PEX5: variants seen among roughly 807,000 people sequenced by gnomAD.
PEX5 encodes the protein PTS1 receptor.
PEX5 carries 52 observed loss-of-function variants against 82.9 expected under a neutral mutation model. The ratio of observed to expected loss-of-function variants is 0.63; its 90% CI spans 0.50 to 0.79. PEX5 has a LOEUF of 0.79. Among genes scored for constraint, PEX5 ranks in the 30% least tolerant of loss-of-function variants. PEX5 has a pLI of 0.00. For missense variants in PEX5, 719 were observed against 815.2 expected, an observed-to-expected ratio of 0.88 and a Z score of 1.44; for synonymous variants, 300 against 318.8, an observed-to-expected ratio of 0.94 and a Z score of 0.63.
chr12:7,212,038 T>A (rs1945618245), downstream of PEX5, among the ~76,000 whole-genome samples: 1 of 151,344 alleles, frequency 6.6e-6, no homozygotes, highest in East Asian at 1.9e-4. Context: ...TGATCTCAGC[T>A]CACTGCAGCC....
At chr12:7,207,370 T>C (rs1944931579) in intron 10 of PEX5, among the ~76,000 whole-genome samples, 1 of 152,210 alleles carries the variant, frequency 6.6e-6, no homozygotes, top group Non-Finnish European at 1.5e-5. Flanking sequence ...GGTGTGGGAA[T>C]ACAAGCCTGT....
At chr12:7,216,424 C>G (rs1428544205), downstream of PEX5, among the ~76,000 whole-genome samples, 1 of 152,116 alleles carries the variant, frequency 6.6e-6, no homozygotes, top group Non-Finnish European at 1.5e-5. Flanking sequence ...CTTGCATAAG[C>G]TGTAATACCA....
chr12:7,211,585 T>A (rs1018167600), downstream of PEX5: 3 of 152,190 alleles, frequency 2.0e-5, no homozygotes, highest in Non-Finnish European at 4.4e-5. Context: ...GTATATTGGT[T>A]ACCTGCTCAT....
intron 10 of PEX5, among the ~76,000 whole-genome samples, chr12:7,205,237 AT>A (rs1944617078): frequency 6.6e-6 from 1 of 152,236 alleles, no homozygotes; most frequent in Non-Finnish European, 1.5e-5. Flanking sequence ...ACTTTGGGAT[AT>A]TGCAAAATTA....
intron 10 of PEX5, among the ~76,000 whole-genome samples, chr12:7,204,718 T>C (rs2136190861): frequency 6.6e-6 from 1 of 152,358 alleles, no homozygotes; most frequent in East Asian, 1.9e-4. Context: ...TATGTAAAAA[T>C]GTCCATGCTT....
rs61740909 is a variant in PEX5, at chr12:7,207,745, G to A, written c.1053G>A (p.Leu351=). 1,010 of 1,614,118 alleles carry A rather than the reference G, an allele frequency of 6.3e-4. 2 individuals carry two copies. The African/African-American group carries it at 8.8e-3, about 14-fold the overall frequency. The change falls in exon 11 of 16, where the codon CTG becomes CTA. Residue 351 remains leucine (L), a synonymous_variant. Coordinates refer to ENST00000675855, the MANE Select transcript of PEX5 (RefSeq NM_001351132.2). ...EGLRRLQEGD[L]PNAVLLFEAA... is the part of the protein sequence containing the mutation. ...TGCGGCGCCTTCAGGAGGGGGACCT[G>A]CCAAATGCTGTGCTGCTTTTTGAGG... is the stretch of plus-strand genomic sequence containing the variant.
At chr12:7,190,683 G>C (rs1028239202) in intron 2 of PEX5, 159 bp downstream of exon 2, 2 of 1,467,324 alleles carry the variant, frequency 1.4e-6, no homozygotes, top group African/African-American at 2.8e-5. Flanking sequence ...TGCACATCTT[G>C]GTATAACTGC....
intron 15 of PEX5, 36 bp from the exon 16 acceptor site, chr12:7,209,986 C>T: frequency 6.2e-7 from 1 of 1,610,100 alleles, no homozygotes; most frequent in South Asian, 1.1e-5. Flanking sequence ...CATTGTTGTT[C>T]AGCTTAACAG....
At chr12:7,190,099 G>A in intron 1 of PEX5, 1 of 1,489,812 alleles carries the variant, frequency 6.7e-7, no homozygotes, top group Non-Finnish European at 8.8e-7. Flanking sequence ...GCAGCTGCTG[G>A]CCCCCAGCCC....
chr12:7,202,038 C>G, intron 7 of PEX5, 197 bp downstream of exon 7: 3 of 828,322 alleles, frequency 3.6e-6, no homozygotes, highest in Non-Finnish European at 5.9e-6. Context: ...CCTACTAACT[C>G]TTTTTTCTGA....
rs1555178472 is a variant in PEX5 at position 7,201,332 on chromosome 12, T to TAC, written c.552-416_552-415dup. The stretch of plus-strand genomic sequence containing the variant: ...ATACACATGTATATACATACACACA[T>TAC]ACACGTATATATACATATCAGCTAT... On this transcript the variant is annotated intron_variant, in intron 6 of 15. Coordinates refer to ENST00000675855, the MANE Select transcript of PEX5 (RefSeq NM_001351132.2). Among the ~76,000 whole-genome samples the TAC allele has an allele frequency of 4.7e-3, 515 of 108,556 alleles. 3 individuals carry two copies. Among genetic ancestry groups the TAC allele is most frequent in the African/African-American group, 0.015 (367 of 25,004 alleles). The allele number at this position is 108,556 out of a possible 152,430, so 71.2% of individuals were successfully genotyped here. A position where few individuals can be genotyped will look rare whatever the true frequency, so the allele number is the denominator to read the frequency against.
chr12:7,190,093 C>A (rs901854733), intron 1 of PEX5: 1 of 1,490,556 alleles, frequency 6.7e-7, no homozygotes, highest in African/African-American at 1.4e-5. Context: ...GTGGAGGCAG[C>A]TGCTGGCCCC....
At chr12:7,197,375 CAT>C (rs1438717718) in intron 5 of PEX5, among the ~76,000 whole-genome samples, 2 of 137,636 alleles carry the variant, frequency 1.5e-5, no homozygotes, top group East Asian at 2.0e-4. Flanking sequence ...TTATATATGT[CAT>C]ATACAATGTA....
chr12:7,201,329 A>C (rs750852082), intron 6 of PEX5, among the ~76,000 whole-genome samples: 2 of 12,410 alleles, frequency 1.6e-4, no homozygotes, highest in Non-Finnish European at 8.2e-4. Context: ...ATACATACAC[A>C]CATACACGTA....
chr12:7,200,696 C>T lies in PEX5; in HGVS notation c.552-1055C>T, dbSNP rs763832745. ...CGCGGTTAGGAGCTGGAGACCAGCCCGGCCAACACAGCGAAACCCCGTCTC... is the reference window on the plus strand; with the variant it reads ...CGCGGTTAGGAGCTGGAGACCAGCCTGGCCAACACAGCGAAACCCCGTCTC... On this transcript the variant is annotated intron_variant, in intron 6 of 15. Coordinates refer to ENST00000675855, the MANE Select transcript of PEX5 (RefSeq NM_001351132.2). Among the ~76,000 whole-genome samples the T allele has an allele frequency of 3.8e-3, 575 of 152,038 alleles. 1 individual carries two copies. Among genetic ancestry groups the T allele is most frequent in the African/African-American group, 0.013 (541 of 41,446 alleles).
intron 5 of PEX5, among the ~76,000 whole-genome samples, chr12:7,192,210 T>C (rs1459292088): frequency 6.6e-6 from 1 of 152,236 alleles, no homozygotes; most frequent in Non-Finnish European, 1.5e-5. Flanking sequence ...GAATGCATTA[T>C]CTACTTACTC....
rs1405389869 is a variant in PEX5, at chr12:7,208,608, G to C, written c.1333G>C (p.Glu445Gln). The C allele has an allele frequency of 2.5e-6, 4 of 1,614,066 alleles. No individual in the cohort carries two copies. The African/African-American group carries it at 5.3e-5, about 22-fold the overall frequency. ...AYAHLVTPAE[E>Q]GAGGAGLGPS... is the part of the protein sequence containing the mutation. Reference sequence around the variant, plus strand: ...TGCCCATCTGGTGACACCTGCTGAAGAAGGGGCTGGTGGGGCAGGACTGGG... The same window carrying C: ...TGCCCATCTGGTGACACCTGCTGAACAAGGGGCTGGTGGGGCAGGACTGGG... Residue 445 changes from glutamate (E) to glutamine (Q), a missense_variant, in exon 13 of 16, where the codon GAA becomes CAA. Physicochemically the swap from Glu to Gln is conservative, Grantham distance 29 (BLOSUM62 2). Transcript: ENST00000675855.
At chr12:7,205,476 T>C (rs1565712052) in intron 10 of PEX5, among the ~76,000 whole-genome samples, 1 of 152,238 alleles carries the variant, frequency 6.6e-6, no homozygotes, top group Non-Finnish European at 1.5e-5. Flanking sequence ...CAGGCAGATA[T>C]TAATATACTA....
Position 7,207,796 on chromosome 12 carries a change from C to T in PEX5, c.1104C>T (p.His368=), listed in dbSNP as rs758018152. ...FEAAVQQDPK[H]MEAWQYLGTT... is the part of the protein sequence containing the mutation. ...CAGCTGTGCAGCAGGATCCTAAGCA[C>T]ATGGAAGTGAGTGACTCCATAGTCT... The change falls in exon 11 of 16, where the codon CAC becomes CAT. Residue 368 remains histidine, a synonymous_variant. Transcript: ENST00000675855. 6.2e-7 allele frequency: 1 copy of T among 1,614,096 alleles called. No individual in the cohort carries two copies. The highest frequency in any genetic ancestry group is 8.5e-7 in the Non-Finnish European group (1 of 1,179,984).
Sources: gnomAD v4.1 joint callset for allele counts (sites outside exome capture counted in the v4.1 genomes callset) on GRCh38, gnomAD v4.1.1 for gene constraint, MANE v1.5 for transcripts, NCBI Gene and HGNC (gene_info 2026-07-23, HGNC 2026-07-21) for gene names.